CHD9: variants seen among roughly 807,000 people sequenced by gnomAD.
The protein encoded by CHD9 is chromodomain helicase DNA binding protein 9, also known as ATP-dependent chromatin remodeler CHD9.
In CHD9, 77 loss-of-function variants were observed where a neutral mutation model predicts 316.1. The ratio of observed to expected loss-of-function variants is 0.24; its 90% confidence interval spans 0.20 to 0.29. CHD9 has a LOEUF of 0.29. Ranked by LOEUF, CHD9 falls within the 10% of genes least tolerant of loss-of-function variation. The pLI is 1.00. For synonymous variants in CHD9, 1,129 were observed against 1,158.3 expected (o/e 0.97, Z 0.51); for missense variants, 2,763 against 3,438.1 (o/e 0.80, Z 4.91).
At chr16:53,278,685 A>G (rs2053110369) in intron 24 of CHD9, among the ~76,000 whole-genome samples, 3 of 152,228 alleles carry the variant, frequency 2.0e-5, no homozygotes, top group Admixed American at 1.3e-4. Flanking sequence ...AACCCCATCA[A>G]CAAGTGGGAG....
intron 1 of CHD9, among the ~76,000 whole-genome samples, chr16:53,153,348 T>C (rs1427229434): frequency 6.6e-6 from 1 of 152,102 alleles, no homozygotes; most frequent in African/African-American, 2.4e-5. Flanking sequence ...ATGGGACAAA[T>C]TGATGACTCA....
At chr16:53,213,768 G>A (rs1175249889) in intron 3 of CHD9, among the ~76,000 whole-genome samples, 4 of 152,122 alleles carry the variant, frequency 2.6e-5, no homozygotes, top group Non-Finnish European at 4.4e-5. Flanking sequence ...ATGTTTCCAT[G>A]TTGTCAGTTG....
In CHD9 at chr16:53,325,490, A is replaced by T. The variant is rs1460456172; in HGVS notation, c.*595A>T. 6.6e-6 allele frequency: 1 copy of T among 152,638 alleles called. No individual in the cohort carries two copies. The highest frequency in any genetic ancestry group is 6.5e-5 in the Admixed American group (1 of 15,270). The allele number at this position is 152,638 out of a possible 1,614,324, so 9.5% of individuals were successfully genotyped here. A position where few individuals can be genotyped will look rare whatever the true frequency, so the allele number is the denominator to read the frequency against. On this transcript the variant is annotated 3_prime_UTR_variant, in exon 39 of 39. Transcript: ENST00000447540. ...AACTGGCTACCTGTTACCTCAGCTG[A>T]GTTAGTTTAGGAAGTTTACATTCGT...
At position 53,118,776 on chromosome 16, in the gene CHD9, A is replaced by G. The variant is rs183977741; in HGVS notation, c.-164-37150A>G. 4.2e-3 allele frequency among the ~76,000 whole-genome samples: 633 copies of G among 151,664 alleles called. 5 individuals carry two copies. Among genetic ancestry groups the G allele is most frequent in the Admixed American group, 0.015 (220 of 15,102 alleles). Reference sequence around the variant, plus strand: ...AACAAGAATGCTTCAAAACATCTCAATAAAAAAGATAACTTTCTTTTTTTT... The same window carrying G: ...AACAAGAATGCTTCAAAACATCTCAGTAAAAAAGATAACTTTCTTTTTTTT... On this transcript the variant is annotated intron_variant, in intron 1 of 38. Transcript: ENST00000447540.
intron 34 of CHD9, among the ~76,000 whole-genome samples, chr16:53,310,324 C>T (rs1391647905): frequency 6.8e-6 from 1 of 146,668 alleles, no homozygotes; most frequent in Non-Finnish European, 1.5e-5. Context: ...CAAAGGAGCC[C>T]TTTTTTTTTT....
intron 1 of CHD9, among the ~76,000 whole-genome samples, chr16:53,125,097 C>G (rs1473447461): frequency 6.6e-6 from 1 of 152,068 alleles, no homozygotes; most frequent in Non-Finnish European, 1.5e-5. Flanking sequence ...GATACTGTGA[C>G]CACTTTTTAA....
At chr16:53,295,508 C>T (rs1402230111) in intron 29 of CHD9, among the ~76,000 whole-genome samples, 2 of 152,168 alleles carry the variant, frequency 1.3e-5, no homozygotes, top group African/African-American at 2.4e-5. Context: ...AAGTAAACTA[C>T]TCGTTTGTCA....
chr16:53,308,688 A>G lies in CHD9; in HGVS notation c.7056A>G (p.Glu2352=). 6.2e-7 allele frequency: 1 copy of G among 1,609,008 alleles called. No individual in the cohort carries two copies. The highest frequency in any genetic ancestry group is 8.5e-7 in the Non-Finnish European group (1 of 1,176,344). ...EKEFTVKIKD[E]GGLKLTFQKQ... is the part of the protein sequence containing the mutation. ...TAATAATGGTATTTGTTTAACAGGA[A>G]GGTGGTTTGAAGTTGACATTTCAGA... is the stretch of plus-strand genomic sequence containing the variant. Residue 2352 remains glutamate (E), a splice_region_variant and synonymous_variant, in exon 34 of 39, where the codon GAA becomes GAG. Transcript: ENST00000447540.
intron 1 of CHD9, among the ~76,000 whole-genome samples, chr16:53,119,365 C>T (rs909175576): frequency 2.8e-5 from 4 of 141,180 alleles, no homozygotes; most frequent in Non-Finnish European, 4.9e-5. Flanking sequence ...AGAAAACTCA[C>T]TGTTATTTAA....
At chr16:53,103,176 G>A (rs1002747594) in intron 1 of CHD9, among the ~76,000 whole-genome samples, 1 of 144,322 alleles carries the variant, frequency 6.9e-6, no homozygotes, top group African/African-American at 2.6e-5. Context: ...AAAAAAAAAA[G>A]GTAGATTTTA....
chr16:53,224,315 C>T lies in CHD9; in HGVS notation c.1896+1560C>T, dbSNP rs117154435. 6.0e-3 allele frequency among the ~76,000 whole-genome samples: 920 copies of T among 152,224 alleles called. 7 individuals carry two copies. Among genetic ancestry groups the T allele is most frequent in the Non-Finnish European group, 9.5e-3 (648 of 68,002 alleles). On this transcript the variant is annotated intron_variant, in intron 4 of 38. Transcript: ENST00000447540. ...TTTTATGTTTTTAAACTAGTAGCGACGTTCTATGGTGAAGAAAGATAATTG... is the reference window on the plus strand; with the variant it reads ...TTTTATGTTTTTAAACTAGTAGCGATGTTCTATGGTGAAGAAAGATAATTG...
chr16:53,093,695 G>T (rs553352004), intron 1 of CHD9, among the ~76,000 whole-genome samples: 1 of 152,136 alleles, frequency 6.6e-6, no homozygotes, highest in Non-Finnish European at 1.5e-5. Flanking sequence ...ATGATTGTCC[G>T]CATTGTACAG....
rs375266458 is a variant in CHD9 at position 53,308,686 on chromosome 16, G to C, written c.7054G>C (p.Glu2352Gln). Reference protein sequence around the residue: ...EKEFTVKIKDEGGLKLTFQKQ... With the variant: ...EKEFTVKIKDQGGLKLTFQKQ... ...CTTAATAATGGTATTTGTTTAACAG[G>C]AAGGTGGTTTGAAGTTGACATTTCA... is the stretch of plus-strand genomic sequence containing the variant. The change falls in exon 34 of 39, where the codon GAA becomes CAA. Residue 2352 changes from glutamate to glutamine, a missense_variant and splice_region_variant. By Grantham distance (29) the Glu-to-Gln change is conservative. Coordinates refer to ENST00000447540, the MANE Select transcript of CHD9 (RefSeq NM_001308319.2). 3.1e-5 allele frequency: 50 copies of C among 1,608,576 alleles called. No homozygotes were observed. The African/African-American group carries it at 6.0e-4, about 19-fold the overall frequency.
At position 53,308,838 on chromosome 16, in the gene CHD9, A is replaced by C. The variant is rs373808415; in HGVS notation, c.7206A>C (p.Lys2402Asn). The change falls in exon 34 of 39, where the codon AAA becomes AAC. Residue 2402 changes from lysine to asparagine, a missense_variant. Transcript: ENST00000447540. ...AGACCAGCCTCGTCAATTTCCCAAA[A>C]TCCATACCAGTATCAGGTGAATATG... ...ASETSLVNFP[K>N]SIPVSGTSIQ... The C allele has an allele frequency of 2.2e-5, 36 of 1,613,326 alleles. No individual in the cohort carries two copies. Among genetic ancestry groups the C allele is most frequent in the Middle Eastern group, 3.3e-4 (2 of 6,062 alleles).
At chr16:53,215,212 G>A (rs536557785) in intron 3 of CHD9, among the ~76,000 whole-genome samples, 12 of 152,202 alleles carry the variant, frequency 7.9e-5, no homozygotes, top group East Asian at 3.9e-4. Context: ...CACCGTGCCC[G>A]GCCAACAATA....
intron 1 of CHD9, among the ~76,000 whole-genome samples, chr16:53,143,358 TTTTATTTATTTA>T (rs55793321): frequency 0.26 from 35,399 of 137,856 alleles, 4,768 homozygotes; most frequent in Middle Eastern, 0.36. Context: ...TTTTATCTTA[TTTTATTTATTTA>T]TTTATTTATT....
chr16:53,267,517 C>T, intron 21 of CHD9, 27 bp downstream of exon 21: 1 of 1,490,840 alleles, frequency 6.7e-7, no homozygotes, highest in Non-Finnish European at 9.1e-7. Flanking sequence ...AATGTTTGCT[C>T]TAAGTAGTCT....
intron 1 of CHD9, among the ~76,000 whole-genome samples, chr16:53,115,614 C>G (rs1402473236): frequency 6.6e-6 from 1 of 152,192 alleles, no homozygotes; most frequent in African/African-American, 2.4e-5. Flanking sequence ...CAAATGGCAG[C>G]CGGTTTTTCT....
intron 1 of CHD9, among the ~76,000 whole-genome samples, chr16:53,098,632 G>C (rs1236520495): frequency 6.6e-6 from 1 of 152,128 alleles, no homozygotes; most frequent in Non-Finnish European, 1.5e-5. Context: ...CAATGAGCAG[G>C]CCACCTCAAG....
Sources: allele counts gnomAD v4.1 joint callset (sites outside exome capture counted in the v4.1 genomes callset), GRCh38; gene constraint gnomAD v4.1.1; transcripts MANE v1.5; gene names NCBI Gene and HGNC (gene_info 2026-07-23, HGNC 2026-07-21).